Variants in SPTBN4 observed in about 807,000 individuals in gnomAD.
SPTBN4 encodes the protein spectrin beta, non-erythrocytic 4, also known as spectrin beta chain, non-erythrocytic 4.
In SPTBN4, 96 loss-of-function variants were observed where a neutral mutation model predicts 277.8. The ratio of observed to expected loss-of-function variants is 0.35; its 90% confidence interval spans 0.29 to 0.41. SPTBN4 has a LOEUF of 0.41. SPTBN4 is among the 10% of genes least tolerant of loss of function. The probability of loss-of-function intolerance (pLI) is 1.00; values close to 1 mark genes in which losing one functional copy is unlikely to be tolerated. For missense variants in SPTBN4, 3,006 were observed against 3,595.7 expected, an observed-to-expected ratio of 0.84 and a Z score of 4.19; for synonymous variants, 1,481 against 1,580.3, an observed-to-expected ratio of 0.94 and a Z score of 1.49.
At chr19:40,498,741 G>T (rs764987292) in intron 7 of SPTBN4, among the ~76,000 whole-genome samples, 1 of 151,626 alleles carries the variant, frequency 6.6e-6, no homozygotes, top group Non-Finnish European at 1.5e-5. Context: ...TGGCTCTGTT[G>T]CCCAGGCTGG....
chr19:40,492,983 G>T lies in SPTBN4; in HGVS notation c.516G>T (p.Glu172Asp). Residue 172 changes from glutamate (E) to aspartate (D), a missense_variant, in exon 5 of 36, where the codon GAG becomes GAT. By Grantham distance (45) the Glu-to-Asp change is conservative. Coordinates refer to ENST00000598249, the MANE Select transcript of SPTBN4 (RefSeq NM_020971.3). Reference protein sequence around the residue: ...LRFQIQVIKIETEDNRETRSA... With the variant: ...LRFQIQVIKIDTEDNRETRSA... Reference sequence around the variant, plus strand: ...CACAGATTCAAGTCATCAAAATTGAGACTGAGGACAACAGAGAGACACGCT... The same window carrying T: ...CACAGATTCAAGTCATCAAAATTGATACTGAGGACAACAGAGAGACACGCT... 1 of 1,614,094 alleles carries T rather than the reference G, an allele frequency of 6.2e-7. No individual in the cohort carries two copies. The highest frequency in any genetic ancestry group is 1.1e-5 in the South Asian group (1 of 91,080).
At chr19:40,556,754 C>T (rs2080983686) in intron 25 of SPTBN4, among the ~76,000 whole-genome samples, 5 of 151,996 alleles carry the variant, frequency 3.3e-5, no homozygotes, top group South Asian at 2.1e-4. Context: ...AGTGAAACCC[C>T]GTCTCTACTA....
intron 2 of SPTBN4, among the ~76,000 whole-genome samples, chr19:40,473,239 C>T (rs946670376): frequency 4.0e-5 from 6 of 151,746 alleles, no homozygotes; most frequent in Admixed American, 6.6e-5. Context: ...TAGTAGACAC[C>T]GGGTTTCACT....
Position 40,515,437 on chromosome 19 carries a change from C to T in SPTBN4, c.2892C>T (p.His964=), listed in dbSNP as rs1472451312. The T allele has an allele frequency of 1.3e-6, 2 of 1,561,874 alleles. No individual in the cohort carries two copies. Among genetic ancestry groups the T allele is most frequent in the Non-Finnish European group, 1.7e-6 (2 of 1,152,948 alleles). ...SSDEVRSCQD[H]LNSRWNRIVE... The stretch of plus-strand genomic sequence containing the variant: ...ATGAGGTGCGTTCCTGCCAGGACCA[C>T]CTCAACAGCAGGTAGGAGGGCCTGG... The change falls in exon 15 of 36, where the codon CAC becomes CAT. Residue 964 remains histidine, a synonymous_variant. Transcript: ENST00000598249. This position sits in a 1 kb window ranked among gnomAD's most constrained non-coding sequence, Gnocchi z 4.1.
intron 35 of SPTBN4, among the ~76,000 whole-genome samples, chr19:40,574,610 C>T (rs961851929): frequency 9.9e-5 from 15 of 152,110 alleles, no homozygotes; most frequent in Non-Finnish European, 5.9e-5. Context: ...GATCCACCCG[C>T]CTCAGCCTCC....
In SPTBN4 at chr19:40,488,123, G is replaced by A. The variant is rs1048982283; in HGVS notation, c.321+275G>A. On this transcript the variant is annotated intron_variant, in intron 3 of 35. Coordinates refer to ENST00000598249, the MANE Select transcript of SPTBN4 (RefSeq NM_020971.3). ...GCGAGGCGGGGCTTCGGTGGAAGGG[G>A]CCGGGCTCTGTTGCAAGGGGCAGGG... 2.4e-4 allele frequency among the ~76,000 whole-genome samples: 37 copies of A among 152,278 alleles called. 1 individual carries two copies. Among genetic ancestry groups the A allele is most frequent in the African/African-American group, 6.7e-4 (28 of 41,556 alleles).
intron 18 of SPTBN4, 115 bp from the exon 19 acceptor site, chr19:40,532,510 C>G: frequency 7.4e-7 from 1 of 1,346,760 alleles, no homozygotes; most frequent in South Asian, 1.5e-5. Flanking sequence ...CTTTCCTATT[C>G]CTTCCACCCA....
chr19:40,477,199 C>A (rs961241774), intron 2 of SPTBN4, among the ~76,000 whole-genome samples: 3 of 151,790 alleles, frequency 2.0e-5, no homozygotes, highest in African/African-American at 7.3e-5. Context: ...ACCATCATGC[C>A]CAGCTAATTT....
Position 40,556,186 on chromosome 19 carries a change from G to A in SPTBN4, c.5187G>A (p.Leu1729=). Residue 1729 remains leucine (L), a synonymous_variant, in exon 25 of 36, where the codon CTG becomes CTA. Transcript: ENST00000598249. ...RRVALEQQYW[L]YQLSRQVSEL... ...TGGCTCTGGAACAGCAGTACTGGCT[G>A]TACCAGCTCAGCCGCCAGGTGAGCG... The A allele has an allele frequency of 6.2e-7, 1 of 1,613,600 alleles. No homozygotes were observed. The highest frequency in any genetic ancestry group is 2.2e-5 in the East Asian group (1 of 44,870).
chr19:40,554,060 G>C lies in SPTBN4; in HGVS notation c.4675-87G>C. 7.6e-7 allele frequency: 1 copy of C among 1,322,436 alleles called. No homozygotes were observed. The highest frequency in any genetic ancestry group is 1.7e-5 in the South Asian group (1 of 58,294). The allele number at this position is 1,322,436 out of a possible 1,614,324, so 81.9% of individuals were successfully genotyped here. A position where few individuals can be genotyped will look rare whatever the true frequency, so the allele number is the denominator to read the frequency against. The stretch of plus-strand genomic sequence containing the variant: ...GGGGTGCTTGTTAATTGCCCCGTGG[G>C]CCGTGCCAGTAGCAGAGGAGCGTGT... On this transcript the variant is annotated intron_variant, in intron 22 of 35. Transcript: ENST00000598249. The surrounding 1 kb of genome is among the most constrained non-coding windows in gnomAD (Gnocchi z 5.7).
chr19:40,485,842 G>C (rs1211457121), intron 2 of SPTBN4, among the ~76,000 whole-genome samples: 1 of 151,954 alleles, frequency 6.6e-6, no homozygotes, highest in South Asian at 2.1e-4. Flanking sequence ...AAATGTCCAA[G>C]GGATTTTAAT....
intron 13 of SPTBN4, among the ~76,000 whole-genome samples, chr19:40,506,907 C>A (rs2080337224): frequency 6.6e-6 from 1 of 152,088 alleles, no homozygotes; most frequent in Middle Eastern, 3.2e-3. Flanking sequence ...TCACTTGAGG[C>A]CAGGAATTGG....
intron 26 of SPTBN4, among the ~76,000 whole-genome samples, chr19:40,558,860 G>A (rs552230489): frequency 1.1e-4 from 16 of 150,514 alleles, no homozygotes; most frequent in African/African-American, 3.7e-4. Context: ...TACCCGTCTC[G>A]GCCTCCCAAA....
At chr19:40,536,665 G>A (rs1277925001) in intron 20 of SPTBN4, among the ~76,000 whole-genome samples, 1 of 152,142 alleles carries the variant, frequency 6.6e-6, no homozygotes, top group Admixed American at 6.5e-5. Flanking sequence ...AATGAAAATC[G>A]AGGCCAGGCA....
rs1184536088 is a variant in SPTBN4 at position 40,534,589 on chromosome 19, A to G, written c.4359+246A>G. 4 of 526,198 alleles carry G rather than the reference A, an allele frequency of 7.6e-6. No individual in the cohort carries two copies. The East Asian group carries it at 1.3e-4, about 17-fold the overall frequency. 32.6% of individuals were successfully genotyped at this position (526,198 alleles called of 1,614,324 possible). ...GATCTAGAGCCACAAAGCAGTAGGT[A>G]AATGACTAGCATGCTAAAGGTTTCA... On this transcript the variant is annotated intron_variant, in intron 20 of 35. Coordinates refer to ENST00000598249, the MANE Select transcript of SPTBN4 (RefSeq NM_020971.3).
At chr19:40,476,483 C>T (rs2079949802) in intron 2 of SPTBN4, among the ~76,000 whole-genome samples, 1 of 152,102 alleles carries the variant, frequency 6.6e-6, no homozygotes, top group African/African-American at 2.4e-5. Context: ...TGGAAACTTA[C>T]AGTCATACTT....
intron 15 of SPTBN4, among the ~76,000 whole-genome samples, chr19:40,518,223 A>G (rs899744655): frequency 6.6e-6 from 1 of 151,942 alleles, no homozygotes; most frequent in Non-Finnish European, 1.5e-5. Context: ...GGAGAATCCC[A>G]TGAACCTGGG....
rs1183780041 is a variant in SPTBN4, at chr19:40,513,453, C to T, written c.2664C>T (p.Gly888=). The change falls in exon 14 of 36, where the codon GGC becomes GGT. Residue 888 remains glycine, a synonymous_variant. Transcript: ENST00000598249. ...RDALAVYRMF[G]EVHACELWIG... ...CGCTCGCTGTCTACCGCATGTTTGG[C>T]GAGGTGCACGCGTGTGAGCTGTGGA... is the stretch of plus-strand genomic sequence containing the variant. The T allele has an allele frequency of 1.2e-6, 2 of 1,603,510 alleles. No individual in the cohort carries two copies. The highest frequency in any genetic ancestry group is 8.5e-7 in the Non-Finnish European group (1 of 1,178,624).
At position 40,467,118 on chromosome 19, in the gene SPTBN4, GAGCGCGGCGGCGGCGCGAGAGAGGGA is replaced by G. The variant is rs2079832298; in HGVS notation, c.-202_-177del. ...CGGGAGGGGGTCCCGGGGGCGCGCT[GAGCGCGGCGGCGGCGCGAGAGAGGGA>G]GGCGCGGCGGCGCATGCGGATCTGG... On this transcript the variant is annotated 5_prime_UTR_variant, in exon 1 of 36. Transcript: ENST00000598249. 6.7e-6 allele frequency: 1 copy of G among 148,972 alleles called. No homozygotes were observed. The highest frequency in any genetic ancestry group is 1.5e-5 in the Non-Finnish European group (1 of 66,488). 9.2% of individuals were successfully genotyped at this position (148,972 alleles called of 1,614,324 possible).
Sources: allele counts gnomAD v4.1 joint callset (sites outside exome capture counted in the v4.1 genomes callset), GRCh38; gene constraint gnomAD v4.1.1; non-coding constraint Gnocchi (gnomAD v3.1); transcripts MANE v1.5; gene names NCBI Gene and HGNC (gene_info 2026-07-23, HGNC 2026-07-21).